The following C3 variants were observed in gnomAD, a reference collection of about 807,000 sequenced individuals.
C3 encodes the protein complement C3.
A neutral mutation model predicts 207.9 loss-of-function variants in C3; 97 were observed. That is an observed-to-expected ratio of 0.47 (90% CI 0.40 to 0.55). The LOEUF (loss-of-function observed/expected upper bound fraction) is 0.55, where lower values mean the gene tolerates loss of function less well. C3 is among the 20% of genes least tolerant of loss of function. The pLI is 0.00. For missense variants in C3, 1,684 were observed against 2,171.7 expected (o/e 0.78, Z 4.46); for synonymous variants, 848 against 857.6 (o/e 0.99, Z 0.20).
chr19:6,709,475 G>T (rs990997616), intron 14 of C3, among the ~76,000 whole-genome samples: 3 of 151,824 alleles, frequency 2.0e-5, no homozygotes, highest in Admixed American at 6.6e-5. Flanking sequence ...AGAAAAAAAA[G>T]TCCAATTCTC....
chr19:6,710,621 A>G lies in C3; in HGVS notation c.1686+18T>C, dbSNP rs1599522499. 6.7e-7 allele frequency: 1 copy of G among 1,491,936 alleles called. No individual in the cohort carries two copies. The highest frequency in any genetic ancestry group is 9.2e-7 in the Non-Finnish European group (1 of 1,084,572). The allele number at this position is 1,491,936 out of a possible 1,614,324, so 92.4% of individuals were successfully genotyped here. A position where few individuals can be genotyped will look rare whatever the true frequency, so the allele number is the denominator to read the frequency against. ...TAGGGAGAGGGAGAGGGGGCGAGCGAGCCCAGGGCACACTTACCGAGCCCA... is the reference window on the plus strand; with the variant it reads ...TAGGGAGAGGGAGAGGGGGCGAGCGGGCCCAGGGCACACTTACCGAGCCCA... On this transcript the variant is annotated intron_variant, in intron 13 of 40. Transcript: ENST00000245907.
At chr19:6,680,635 G>C (rs1917835636) in intron 35 of C3, among the ~76,000 whole-genome samples, 1 of 152,086 alleles carries the variant, frequency 6.6e-6, no homozygotes, top group African/African-American at 2.4e-5. Context: ...TGGAGCAGAG[G>C]GACCCTTCCT....
rs201572119 is a variant in C3, at chr19:6,720,519, G to A, written c.71C>T (p.Pro24Leu). ...LTHLPLALGS[P>L]MYSIITPNIL... ...GGGTAGAGTCATAACCACTCACATGGGACTCCCCAGAGCCAGGGGGAGGTG... is the reference window on the plus strand; with the variant it reads ...GGGTAGAGTCATAACCACTCACATGAGACTCCCCAGAGCCAGGGGGAGGTG... The change falls in exon 1 of 41, where the codon CCC becomes CTC. Residue 24 changes from proline (P) to leucine (L), a missense_variant. Physicochemically the swap from Pro to Leu is moderately conservative, Grantham distance 98. Around this residue, in one of 3 missense-constraint regions of C3, gnomAD observed 58 missense variants for 52.5 expected, o/e 1.10. Coordinates refer to ENST00000245907, the MANE Select transcript of C3 (RefSeq NM_000064.4). The A allele has an allele frequency of 2.5e-6, 4 of 1,588,528 alleles. No individual in the cohort carries two copies. The Admixed American group carries it at 7.1e-5, about 28-fold the overall frequency.
chr19:6,679,892 T>C (rs1421763817), intron 36 of C3, among the ~76,000 whole-genome samples: 1 of 152,010 alleles, frequency 6.6e-6, no homozygotes, highest in Admixed American at 6.6e-5. Context: ...TCATAGATCC[T>C]TGGGACTCTC....
chr19:6,714,076 G>A lies in C3; in HGVS notation c.689C>T (p.Pro230Leu). 1 of 1,612,430 alleles carries A rather than the reference G, an allele frequency of 6.2e-7. No individual in the cohort carries two copies. Among genetic ancestry groups the A allele is most frequent in the Non-Finnish European group, 8.5e-7 (1 of 1,179,506 alleles). Residue 230 changes from proline (P) to leucine (L), a missense_variant, in exon 7 of 41, where the codon CCC becomes CTC. This residue lies in a region of C3 where 1,280 missense variants were observed against 1,739.1 expected (regional missense o/e 0.74). Transcript: ENST00000245907. The stretch of plus-strand genomic sequence containing the variant: ...AGGCTCCACTATGACCTCGAAACTG[G>A]GCAGCACTGGGGGAGAGATGGCGTT... ...TEFEVKEYVL[P>L]SFEVIVEPTE...
rs1327399351 is a variant in C3, at chr19:6,693,211, A to G, written c.3231-128T>C. ...TGCCTGGTTTGCCTTCCCAGGCCCC[A>G]GGACCCAGCTGTTGTATGCGGTCCG... On this transcript the variant is annotated intron_variant, in intron 25 of 40. Transcript: ENST00000245907. The G allele has an allele frequency of 3.3e-6, 4 of 1,212,254 alleles. No homozygotes were observed. The African/African-American group carries it at 6.0e-5, about 18-fold the overall frequency. 75.1% of individuals were successfully genotyped at this position (1,212,254 alleles called of 1,614,324 possible).
intron 14 of C3, among the ~76,000 whole-genome samples, chr19:6,708,745 G>C (rs1366459041): frequency 6.9e-6 from 1 of 145,496 alleles, no homozygotes; most frequent in African/African-American, 2.5e-5. Flanking sequence ...GGAGTGCAGT[G>C]GTGCAGGCAT....
In C3 at chr19:6,713,500, G is replaced by A. The variant is rs2230200; in HGVS notation, c.783C>T (p.Tyr261=). Reference sequence around the variant, plus strand: ...AGGCAGTTCCCTCCACTTTCTTCCCGTAGAGGAACCTACGGGACAGACAAG... The same window carrying A: ...AGGCAGTTCCCTCCACTTTCTTCCCATAGAGGAACCTACGGGACAGACAAG... ...LEVTITARFL[Y]GKKVEGTAFV... The change falls in exon 8 of 41, where the codon TAC becomes TAT. Residue 261 remains tyrosine, a synonymous_variant. Transcript: ENST00000245907. 3,498 of 1,613,016 alleles carry A rather than the reference G, an allele frequency of 2.2e-3. 49 individuals carry two copies. The African/African-American group carries it at 0.036, about 17-fold the overall frequency.
In C3 at chr19:6,710,782, C is replaced by T; in HGVS notation, c.1543G>A (p.Val515Met). The T allele has an allele frequency of 6.2e-7, 1 of 1,613,920 alleles. No homozygotes were observed. Among genetic ancestry groups the T allele is most frequent in the Non-Finnish European group, 8.5e-7 (1 of 1,180,024 alleles). The change falls in exon 13 of 41, where the codon GTG becomes ATG. Residue 515 changes from valine (V) to methionine (M), a missense_variant. This residue lies in a region of C3 where 1,280 missense variants were observed against 1,739.1 expected (regional missense o/e 0.74). Coordinates refer to ENST00000245907, the MANE Select transcript of C3 (RefSeq NM_000064.4). The part of the protein sequence containing the change: ...RQVREPGQDL[V>M]VLPLSITTDF... Reference sequence around the variant, plus strand: ...GTGGTGATGGACAGGGGCAGCACCACCAGGTCCTGGCCGGGCTCTCGCACC... The same window carrying T: ...GTGGTGATGGACAGGGGCAGCACCATCAGGTCCTGGCCGGGCTCTCGCACC...
intron 28 of C3, 21 bp downstream of exon 28, chr19:6,686,725 C>A: frequency 6.2e-7 from 1 of 1,612,168 alleles, no homozygotes; most frequent in Non-Finnish European, 8.5e-7. Context: ...TCTCCCTTCA[C>A]CCCTCCAGGC....
At chr19:6,708,113 TC>T (rs1172245126) in intron 14 of C3, among the ~76,000 whole-genome samples, 184 bp from the exon 15 acceptor site, 3 of 114,104 alleles carry the variant, frequency 2.6e-5, no homozygotes, top group African/African-American at 9.5e-5. Context: ...TCCTTCCTTC[TC>T]TTTTTCTTTC....
intron 27 of C3, among the ~76,000 whole-genome samples, chr19:6,688,971 A>G (rs1381685734): frequency 6.6e-6 from 1 of 152,092 alleles, no homozygotes; most frequent in African/African-American, 2.4e-5. Context: ...TATTTTCTCT[A>G]AGGAAGGCAG....
chr19:6,697,239 T>C (rs1967558185), intron 21 of C3, 105 bp downstream of exon 21: 1 of 860,512 alleles, frequency 1.2e-6, no homozygotes, highest in East Asian at 2.6e-5. Context: ...CTGGACACTA[T>C]GATTCTTAGT....
At chr19:6,689,331 C>CTA (rs1918099480) in intron 27 of C3, among the ~76,000 whole-genome samples, 5 of 46,462 alleles carry the variant, frequency 1.1e-4, no homozygotes, top group Non-Finnish European at 1.2e-4. Context: ...CTACCTACCT[C>CTA]CCTCCCTCCC....
At chr19:6,707,441 A>G (rs917089144) in intron 16 of C3, 25 bp downstream of exon 16, 5 of 1,612,688 alleles carry the variant, frequency 3.1e-6, no homozygotes, top group African/African-American at 1.3e-5. Context: ...GCTCGGGGGC[A>G]GGAGTGGGTA....
At chr19:6,709,994 GGAGAGAGGGAGGGA>G (rs1254657157) in intron 13 of C3, 152 bp from the exon 14 acceptor site, 4 of 635,560 alleles carry the variant, frequency 6.3e-6, no homozygotes, top group South Asian at 3.6e-5. Flanking sequence ...AGAGAGAAAG[GGAGAGAGGGAGGGA>G]GAGAGAGGGA....
At chr19:6,713,871 CCCCCAGCCCCCCACCTGGTCCCAT>C (rs1163821009) in intron 7 of C3, 97 bp downstream of exon 7, 279 of 250,002 alleles carry the variant, frequency 1.1e-3, no homozygotes, top group Non-Finnish European at 1.9e-3. Context: ...CCTGACTCCA[CCCCCAGCCCCCCACCTGGTCCCAT>C]CTCCAGCCCC....
At position 6,702,462 on chromosome 19, in the gene C3, C is replaced by T. The variant is rs184430616; in HGVS notation, c.2354+9G>A. On this transcript the variant is annotated intron_variant, in intron 18 of 40. Coordinates refer to ENST00000245907, the MANE Select transcript of C3 (RefSeq NM_000064.4). ...GGGGTGGGTTGTACCGGGGGTACCC[C>T]GGCCTTACCCATTTTTCGGTGGCTC... 341 of 1,589,046 alleles carry T rather than the reference C, an allele frequency of 2.1e-4. No homozygotes were observed. The African/African-American group carries it at 2.3e-3, about 11-fold the overall frequency.
At chr19:6,692,808 A>C in intron 26 of C3, 116 bp downstream of exon 26, 6 of 1,297,640 alleles carry the variant, frequency 4.6e-6, no homozygotes, top group South Asian at 3.6e-5. Context: ...CCCCAGCCCA[A>C]TCTTTGCAAA....
Sources: allele counts gnomAD v4.1 joint callset (sites outside exome capture counted in the v4.1 genomes callset), GRCh38; gene constraint gnomAD v4.1.1; regional missense constraint gnomAD v4.1.1; transcripts MANE v1.5; gene names NCBI Gene and HGNC (gene_info 2026-07-23, HGNC 2026-07-21).